Variants in CDH23 observed in about 807,000 individuals in gnomAD.
CDH23 encodes the protein cadherin-23.
CDH23 carries 189 observed loss-of-function variants against 317.1 expected under a neutral mutation model. The ratio of observed to expected loss-of-function variants is 0.60; its 90% CI spans 0.53 to 0.67. The LOEUF is 0.67. CDH23 is among the 30% of genes least tolerant of loss of function. The pLI is 0.00. For synonymous variants in CDH23, 1,839 were observed against 1,876.8 expected (o/e 0.98, Z 0.52); for missense variants, 4,401 against 4,592.4 (o/e 0.96, Z 1.20).
chr10:71,745,194 G>A (rs1353389586), intron 38 of CDH23, among the ~76,000 whole-genome samples: 2 of 152,208 alleles, frequency 1.3e-5, no homozygotes, highest in Non-Finnish European at 2.9e-5. Context: ...GTTGAGTAAG[G>A]GAGGCAATGA....
intron 32 of CDH23, among the ~76,000 whole-genome samples, chr10:71,732,981 TC>T (rs1321612790): frequency 6.6e-6 from 1 of 152,170 alleles, no homozygotes; most frequent in East Asian, 1.9e-4. Context: ...TAGTGTCAGA[TC>T]CCACAGGTTG....
At chr10:71,803,474 G>A (rs1841618629) in intron 55 of CDH23, 54 bp downstream of exon 55, 1 of 1,486,074 alleles carries the variant, frequency 6.7e-7, no homozygotes, top group African/African-American at 1.4e-5. Context: ...TTCCAGCTGT[G>A]GCCTAGAAGA....
chr10:71,595,247 A>G (rs1020060654), intron 9 of CDH23, among the ~76,000 whole-genome samples: 3 of 152,196 alleles, frequency 2.0e-5, no homozygotes, highest in Admixed American at 6.5e-5. Context: ...CTGCTAGGGA[A>G]AAGCAGGGAG....
At chr10:71,599,971 T>C (rs1037350925) in intron 9 of CDH23, among the ~76,000 whole-genome samples, 2 of 151,632 alleles carry the variant, frequency 1.3e-5, no homozygotes, top group Non-Finnish European at 2.9e-5. Flanking sequence ...TAGTCCCATT[T>C]ACACCTTCAA....
intron 9 of CDH23, among the ~76,000 whole-genome samples, chr10:71,590,163 C>T (rs967310316): frequency 1.3e-5 from 2 of 152,226 alleles, no homozygotes; most frequent in African/African-American, 2.4e-5. Flanking sequence ...TCTGCCTCTC[C>T]GTCAAATGCT....
At chr10:71,494,668 C>G (rs1852858683) in intron 3 of CDH23, among the ~76,000 whole-genome samples, 1 of 152,138 alleles carries the variant, frequency 6.6e-6, no homozygotes, top group Non-Finnish European at 1.5e-5. Flanking sequence ...AAGCTGGCCC[C>G]CAGGGCACAG....
At chr10:71,778,458 C>T (rs1840869868) in intron 40 of CDH23, 150 bp downstream of exon 40, 2 of 1,082,306 alleles carry the variant, frequency 1.8e-6, no homozygotes, top group Admixed American at 4.8e-5. Context: ...GCAACTCACT[C>T]AAACTTGCTG....
At chr10:71,755,461 T>A (rs150450963) in intron 38 of CDH23, 26 of 1,610,522 alleles carry the variant, frequency 1.6e-5, no homozygotes, top group Non-Finnish European at 2.2e-5. Context: ...GCTGCAGCCG[T>A]GATGTCTGAA....
chr10:71,450,813 C>G (rs1055506080), intron 3 of CDH23, among the ~76,000 whole-genome samples: 22 of 152,246 alleles, frequency 1.4e-4, no homozygotes, highest in African/African-American at 5.3e-4. Flanking sequence ...CCGTGGTGGT[C>G]CCATCTAGCC....
At position 71,815,656 on chromosome 10, in the gene CDH23, G is replaced by A. The variant is rs1408357978; in HGVS notation, c.*378G>A. 2.8e-5 allele frequency: 5 copies of A among 179,680 alleles called. No homozygotes were observed. Among genetic ancestry groups the A allele is most frequent in the Non-Finnish European group, 4.7e-5 (4 of 85,636 alleles). The allele number at this position is 179,680 out of a possible 1,614,324, so 11.1% of individuals were successfully genotyped here. A position where few individuals can be genotyped will look rare whatever the true frequency, so the allele number is the denominator to read the frequency against. On this transcript the variant is annotated 3_prime_UTR_variant, in exon 70 of 70. Coordinates refer to ENST00000224721, the MANE Select transcript of CDH23 (RefSeq NM_022124.6). The stretch of plus-strand genomic sequence containing the variant: ...CCACCCCGCAAGCACCATCCCCTCC[G>A]GCTAAGCAGGCGCAAGGGAGGCCCA...
At chr10:71,715,599 C>T (rs767697554) in intron 28 of CDH23, 133 of 224,120 alleles carry the variant, frequency 5.9e-4, no homozygotes, top group Admixed American at 2.0e-3. Context: ...GCTTCTGTGG[C>T]GAGCGAGGGT....
At chr10:71,547,929 C>T (rs1856374275) in intron 6 of CDH23, among the ~76,000 whole-genome samples, 1 of 152,292 alleles carries the variant, frequency 6.6e-6, no homozygotes, top group South Asian at 2.1e-4. Flanking sequence ...AGCCACTTGG[C>T]GTGCTTGACT....
At chr10:71,618,226 C>G (rs1861291348) in intron 11 of CDH23, among the ~76,000 whole-genome samples, 1 of 152,102 alleles carries the variant, frequency 6.6e-6, no homozygotes, top group Admixed American at 6.5e-5. Flanking sequence ...ACCCCTGCAT[C>G]ACCAGGGGGT....
intron 3 of CDH23, among the ~76,000 whole-genome samples, chr10:71,449,611 C>G (rs1278012174): frequency 1.3e-5 from 2 of 152,238 alleles, no homozygotes; most frequent in South Asian, 4.2e-4. Context: ...AGGCAGTGTC[C>G]TAAGTGTTTT....
chr10:71,660,133 G>A (rs1280203260), intron 14 of CDH23, among the ~76,000 whole-genome samples: 1 of 151,864 alleles, frequency 6.6e-6, no homozygotes, highest in African/African-American at 2.4e-5. Flanking sequence ...GCTAATTTTT[G>A]TATTTTTAGT....
At chr10:71,516,295 T>C (rs1419398499) in intron 6 of CDH23, among the ~76,000 whole-genome samples, 1 of 152,102 alleles carries the variant, frequency 6.6e-6, no homozygotes, top group Non-Finnish European at 1.5e-5. Flanking sequence ...GAGGCTACTA[T>C]GGGGAAGGGC....
At chr10:71,404,771 T>A (rs1396237710) in intron 1 of CDH23, among the ~76,000 whole-genome samples, 1 of 151,906 alleles carries the variant, frequency 6.6e-6, no homozygotes, top group African/African-American at 2.4e-5. Context: ...AGGGTGGGAG[T>A]TTTTTTCTAG....
intron 6 of CDH23, among the ~76,000 whole-genome samples, chr10:71,547,123 G>A: frequency 6.6e-6 from 1 of 152,204 alleles, no homozygotes; most frequent in East Asian, 1.9e-4. Flanking sequence ...AGTCTAGTGG[G>A]GAGTCAGATG....
At position 71,741,930 on chromosome 10, in the gene CDH23, T is replaced by C. The variant is rs2132848252; in HGVS notation, c.4845+9T>C. ...GCACCCCAACCCTGTCGGTGAGCGA[T>C]GGGGGTGGCCACAGGGAGGAGCGGG... On this transcript the variant is annotated intron_variant, in intron 38 of 69. Transcript: ENST00000224721. 1 of 1,573,150 alleles carries C rather than the reference T, an allele frequency of 6.4e-7. No individual in the cohort carries two copies. Among genetic ancestry groups the C allele is most frequent in the Non-Finnish European group, 8.6e-7 (1 of 1,158,082 alleles).
Sources: gnomAD v4.1 joint callset for allele counts (sites outside exome capture counted in the v4.1 genomes callset) on GRCh38, gnomAD v4.1.1 for gene constraint, MANE v1.5 for transcripts, NCBI Gene and HGNC (gene_info 2026-07-23, HGNC 2026-07-21) for gene names.